PTPRD: variants seen among roughly 807,000 people sequenced by gnomAD.
PTPRD encodes the protein receptor-type tyrosine-protein phosphatase delta.
Under a neutral mutation model 214.5 loss-of-function variants are expected in PTPRD, and 34 were observed. The ratio of observed to expected loss-of-function variants is 0.16; its 90% CI spans 0.12 to 0.21. The LOEUF (loss-of-function observed/expected upper bound fraction) is 0.21, where lower values mean the gene tolerates loss of function less well. Ranked by LOEUF, PTPRD falls within the 10% of genes least tolerant of loss-of-function variation. PTPRD has a pLI of 1.00. For missense variants in PTPRD, 2,545 were observed against 2,398.7 expected (o/e 1.06, Z -1.27); for synonymous variants, 1,128 against 845.7 (o/e 1.33, Z -5.79).
At chr9:9,324,563 T>C (rs913625815) in intron 9 of PTPRD, among the ~76,000 whole-genome samples, 2 of 152,224 alleles carry the variant, frequency 1.3e-5, no homozygotes, top group African/African-American at 4.8e-5. Context: ...GTAAATCTGT[T>C]TAAGTTATTT....
intron 5 of PTPRD, among the ~76,000 whole-genome samples, chr9:9,811,940 C>T (rs1280970858): frequency 6.6e-6 from 1 of 152,054 alleles, no homozygotes; most frequent in East Asian, 1.9e-4. Flanking sequence ...AAGAGTCAAT[C>T]AACGTGGCAA....
chr9:9,980,444 C>G (rs1166245205), intron 4 of PTPRD, among the ~76,000 whole-genome samples: 3 of 151,242 alleles, frequency 2.0e-5, no homozygotes, highest in Non-Finnish European at 4.4e-5. Flanking sequence ...TCCGTCTCTA[C>G]TAAAAATACA....
intron 9 of PTPRD, among the ~76,000 whole-genome samples, chr9:9,278,361 A>G (rs1201101997): frequency 6.6e-6 from 1 of 151,316 alleles, no homozygotes; most frequent in Non-Finnish European, 1.5e-5. Flanking sequence ...TCTTATATAC[A>G]GTGGGAAATT....
chr9:8,339,632 G>A (rs750180299), intron 42 of PTPRD, among the ~76,000 whole-genome samples: 3 of 151,962 alleles, frequency 2.0e-5, no homozygotes, highest in South Asian at 2.1e-4. Context: ...TGTTCTCTCC[G>A]GGGGCTCTAC....
At chr9:8,607,108 CTA>C (rs1489283214) in intron 14 of PTPRD, among the ~76,000 whole-genome samples, 1 of 152,036 alleles carries the variant, frequency 6.6e-6, no homozygotes, top group Non-Finnish European at 1.5e-5. Context: ...TTCAAGAGAT[CTA>C]TTGTAGAACA....
At chr9:8,936,572 T>C (rs991950646) in intron 11 of PTPRD, among the ~76,000 whole-genome samples, 1 of 152,160 alleles carries the variant, frequency 6.6e-6, no homozygotes. Flanking sequence ...AGTTCATCTC[T>C]AAGGCAGCCT....
chr9:8,376,320 T>C (rs183673484), intron 38 of PTPRD, among the ~76,000 whole-genome samples: 1 of 152,176 alleles, frequency 6.6e-6, no homozygotes, highest in Non-Finnish European at 1.5e-5. Flanking sequence ...ATTTTTCAGG[T>C]TTAACTACCA....
intron 2 of PTPRD, among the ~76,000 whole-genome samples, chr9:10,587,897 T>C (rs1054005178): frequency 5.3e-5 from 8 of 151,910 alleles, no homozygotes; most frequent in Non-Finnish European, 1.2e-4. Context: ...AAATAGGACA[T>C]AGGCCCCAAA....
intron 10 of PTPRD, among the ~76,000 whole-genome samples, chr9:9,148,854 G>A (rs550832639): frequency 2.0e-5 from 3 of 151,932 alleles, no homozygotes; most frequent in Non-Finnish European, 4.4e-5. Flanking sequence ...AAAACCTAAG[G>A]TAATAAAAAC....
At chr9:9,583,391 C>T (rs552003947) in intron 7 of PTPRD, among the ~76,000 whole-genome samples, 23 of 152,128 alleles carry the variant, frequency 1.5e-4, no homozygotes, top group African/African-American at 5.5e-4. Flanking sequence ...ATGTTTGATG[C>T]TGTATTGAAA....
chr9:10,516,059 G>A (rs2049989706), intron 2 of PTPRD, among the ~76,000 whole-genome samples: 1 of 151,868 alleles, frequency 6.6e-6, no homozygotes, highest in South Asian at 2.1e-4. Flanking sequence ...TCTTTTTTAA[G>A]ATATTTATTG....
chr9:10,007,458 G>T (rs911853872), intron 4 of PTPRD, among the ~76,000 whole-genome samples: 12 of 151,924 alleles, frequency 7.9e-5, no homozygotes, highest in Non-Finnish European at 4.4e-5. Context: ...ACGAAGAGGC[G>T]TTCTGAATTA....
At chr9:9,619,370 A>G (rs1240411002) in intron 7 of PTPRD, among the ~76,000 whole-genome samples, 3 of 151,840 alleles carry the variant, frequency 2.0e-5, no homozygotes, top group Admixed American at 2.0e-4. Context: ...GGAGGCTTCA[A>G]ATATCACAGA....
intron 8 of PTPRD, among the ~76,000 whole-genome samples, chr9:9,481,919 A>C (rs905061766): frequency 1.3e-5 from 2 of 152,194 alleles, no homozygotes; most frequent in Non-Finnish European, 2.9e-5. Context: ...AAGAATCTTA[A>C]TAGATAAAAA....
At chr9:8,774,047 A>G (rs902115675) in intron 11 of PTPRD, among the ~76,000 whole-genome samples, 1 of 152,114 alleles carries the variant, frequency 6.6e-6, no homozygotes, top group Admixed American at 6.6e-5. Context: ...CTCCTGTTAC[A>G]GTGCCCATTA....
intron 21 of PTPRD, among the ~76,000 whole-genome samples, chr9:8,514,445 A>C (rs2097746327): frequency 6.6e-6 from 1 of 152,154 alleles, no homozygotes; most frequent in African/African-American, 2.4e-5. Flanking sequence ...AATTTAGTTA[A>C]ATTTCAGCCA....
chr9:9,964,609 C>T (rs941554159), intron 4 of PTPRD, among the ~76,000 whole-genome samples: 1 of 152,144 alleles, frequency 6.6e-6, no homozygotes, highest in African/African-American at 2.4e-5. Flanking sequence ...TAGAACCTTA[C>T]AACAGGTTTG....
chr9:9,289,585 T>C (rs960024339), intron 9 of PTPRD, among the ~76,000 whole-genome samples: 4 of 151,822 alleles, frequency 2.6e-5, no homozygotes, highest in Non-Finnish European at 5.9e-5. Context: ...TTATTCATCT[T>C]ACAATTCAAA....
chr9:9,383,356 A>G (rs1470930612), intron 9 of PTPRD, among the ~76,000 whole-genome samples: 1 of 152,138 alleles, frequency 6.6e-6, no homozygotes, highest in East Asian at 1.9e-4. Flanking sequence ...ATAAGTAAAC[A>G]GATGGCAGAA....
Sources: gnomAD v4.1 joint callset for allele counts (sites outside exome capture counted in the v4.1 genomes callset) on GRCh38, gnomAD v4.1.1 for gene constraint, MANE v1.5 for transcripts, NCBI Gene and HGNC (gene_info 2026-07-23, HGNC 2026-07-21) for gene names.